Variants in ATP13A3 observed in about 807,000 individuals in gnomAD.
The protein encoded by ATP13A3 is ATPase 13A3, also known as polyamine-transporting ATPase 13A3.
ATP13A3 carries 59 observed loss-of-function variants against 158.1 expected under a neutral mutation model. That is an observed-to-expected ratio of 0.37 (90% CI 0.30 to 0.46). The LOEUF is 0.46. Among genes scored for constraint, ATP13A3 ranks in the 20% least tolerant of loss-of-function variants. The pLI is 1.00. For synonymous variants in ATP13A3, 491 were observed against 504.3 expected (o/e 0.97, Z 0.35); for missense variants, 1,166 against 1,525.2 (o/e 0.76, Z 3.92).
At chr3:194,419,710 G>A in intron 31 of ATP13A3, 169 bp downstream of exon 31, 1 of 859,032 alleles carries the variant, frequency 1.2e-6, no homozygotes, top group Non-Finnish European at 1.4e-6. Flanking sequence ...GATTAAACAG[G>A]TATAGCTAAG....
At chr3:194,419,666 T>C (rs1232369036) in intron 31 of ATP13A3, 2 of 614,340 alleles carry the variant, frequency 3.3e-6, no homozygotes, top group Non-Finnish European at 2.0e-6. Flanking sequence ...ATTTAATTTG[T>C]TTGCAGACAA....
intron 27 of ATP13A3, 29 bp from the exon 28 acceptor site, chr3:194,428,946 A>T: frequency 1.4e-6 from 2 of 1,429,838 alleles, no homozygotes; most frequent in South Asian, 1.3e-5. Context: ...AAACATTATT[A>T]GTTTTTGGGA....
chr3:194,433,788 G>A lies in ATP13A3; in HGVS notation c.2229C>T (p.Arg743=). 1 of 1,614,072 alleles carries A rather than the reference G, an allele frequency of 6.2e-7. No individual in the cohort carries two copies. Among genetic ancestry groups the A allele is most frequent in the Non-Finnish European group, 8.5e-7 (1 of 1,179,984 alleles). Residue 743 remains arginine (R), a synonymous_variant, in exon 21 of 34, where the codon CGC becomes CGT. Coordinates refer to ENST00000645319, the MANE Select transcript of ATP13A3 (RefSeq NM_001367549.1). The part of the protein sequence containing the change: ...VLEDLHKANI[R]TVMVTGDSML... ...AAGTCTAACCTGTGACCATGACGGTGCGAATGTTGGCTTTATGCAAATCTT... is the reference window on the plus strand; with the variant it reads ...AAGTCTAACCTGTGACCATGACGGTACGAATGTTGGCTTTATGCAAATCTT...
At position 194,429,744 on chromosome 3, in the gene ATP13A3, G is replaced by T; in HGVS notation, c.2808C>A (p.Phe936Leu). ...ACAATGCCATGAATTTAAACACACA[G>T]AAGGAAGTTATTAAAGCAGCACGGC... Reference protein sequence around the residue: ...REGRAALITSFCVFKFMALYS... With the variant: ...REGRAALITSLCVFKFMALYS... The change falls in exon 27 of 34, where the codon TTC (phenylalanine) becomes TTA (leucine). Residue 936 changes from phenylalanine (F) to leucine (L), a missense_variant. Around this residue, in one of 3 missense-constraint regions of ATP13A3, gnomAD observed 997 missense variants for 1,341.2 expected, o/e 0.74. Transcript: ENST00000645319. 6.2e-7 allele frequency: 1 copy of T among 1,613,986 alleles called. No individual in the cohort carries two copies. The highest frequency in any genetic ancestry group is 1.1e-5 in the South Asian group (1 of 91,068).
At chr3:194,480,219 A>G (rs1720695737) in intron 2 of ATP13A3, among the ~76,000 whole-genome samples, 1 of 152,228 alleles carries the variant, frequency 6.6e-6, no homozygotes, top group Non-Finnish European at 1.5e-5. Flanking sequence ...TCAGAGGTTC[A>G]GTGACTTACT....
upstream of ATP13A3, among the ~76,000 whole-genome samples, chr3:194,489,952 C>T (rs1721125859): frequency 6.6e-6 from 1 of 152,148 alleles, no homozygotes; most frequent in Non-Finnish European, 1.5e-5. This position sits in a 1 kb window ranked among gnomAD's most constrained non-coding sequence, Gnocchi z 4.1. Flanking sequence ...GTTCTCAAGT[C>T]ATGATGATTC....
rs983941138 is a variant in ATP13A3 at position 194,413,846 on chromosome 3, T to A, written c.3403-7A>T. 3 of 1,609,714 alleles carry A rather than the reference T, an allele frequency of 1.9e-6. No homozygotes were observed. The African/African-American group carries it at 4.0e-5, about 22-fold the overall frequency. On this transcript the variant is annotated splice_region_variant and splice_polypyrimidine_tract_variant and intron_variant, in intron 31 of 33. Transcript: ENST00000645319. ...GATATGGTACACACACTATCTGTAATGCAAAAACATTTTAAAGTTAAAATT... is the reference window on the plus strand; with the variant it reads ...GATATGGTACACACACTATCTGTAAAGCAAAAACATTTTAAAGTTAAAATT...
At chr3:194,430,805 T>G (rs538215364) in intron 24 of ATP13A3, 138 bp downstream of exon 24, 2 of 609,184 alleles carry the variant, frequency 3.3e-6, no homozygotes, top group African/African-American at 1.9e-5. Flanking sequence ...CTTAAAGTTC[T>G]GAACTATCTT....
At chr3:194,468,684 T>C (rs955358904) in intron 2 of ATP13A3, among the ~76,000 whole-genome samples, 3 of 151,966 alleles carry the variant, frequency 2.0e-5, no homozygotes, top group Non-Finnish European at 2.9e-5. Context: ...GTGTGGAGAG[T>C]GTTGAATTTT....
In ATP13A3 at chr3:194,450,154, T is replaced by G; in HGVS notation, c.961A>C (p.Met321Leu). 4.3e-6 allele frequency: 7 copies of G among 1,613,836 alleles called. No individual in the cohort carries two copies. Among genetic ancestry groups the G allele is most frequent in the Non-Finnish European group, 5.9e-6 (7 of 1,179,872 alleles). ...INGTCIVNESMLTGESVPVTK... is the reference protein window; with the variant it reads ...INGTCIVNESLLTGESVPVTK... ...TACTCATTTAGCTTACCTGTTAACA[T>G]GCTTTCGTTTACAATGCAGGTACCA... Residue 321 changes from methionine to leucine, a missense_variant, in exon 11 of 34, where the codon ATG becomes CTG. This residue lies in a region of ATP13A3 where 997 missense variants were observed against 1,341.2 expected (regional missense o/e 0.74). Transcript: ENST00000645319.
Position 194,429,288 on chromosome 3 carries a change from T to C in ATP13A3, c.2875-371A>G, listed in dbSNP as rs77210071. Among the ~76,000 whole-genome samples, 579 of 152,260 alleles carry C rather than the reference T, an allele frequency of 3.8e-3. 7 individuals are homozygous for C. Among genetic ancestry groups the C allele is most frequent in the South Asian group, 0.012 (57 of 4,824 alleles). ...AAAACACAAACATTTACTCAAAATATTCAACGTTGTAAATTAGTATCTTCA... is the reference window on the plus strand; with the variant it reads ...AAAACACAAACATTTACTCAAAATACTCAACGTTGTAAATTAGTATCTTCA... On this transcript the variant is annotated intron_variant, in intron 27 of 33. Coordinates refer to ENST00000645319, the MANE Select transcript of ATP13A3 (RefSeq NM_001367549.1).
At chr3:194,464,873 T>G (rs1215258214) in intron 2 of ATP13A3, among the ~76,000 whole-genome samples, 1 of 152,044 alleles carries the variant, frequency 6.6e-6, no homozygotes, top group African/African-American at 2.4e-5. Flanking sequence ...CACCTCAGCC[T>G]CCCAAAATGC....
At chr3:194,419,798 CA>C in intron 31 of ATP13A3, 80 bp downstream of exon 31, 1 of 1,505,386 alleles carries the variant, frequency 6.6e-7, no homozygotes. Context: ...TTAGAATACA[CA>C]AAAAGAAGAG....
intron 20 of ATP13A3, among the ~76,000 whole-genome samples, chr3:194,436,648 T>G (rs918774565): frequency 6.6e-6 from 1 of 152,182 alleles, no homozygotes; most frequent in Non-Finnish European, 1.5e-5. Flanking sequence ...GGCCAGGAGC[T>G]CGAGGCCAGC....
intron 4 of ATP13A3, among the ~76,000 whole-genome samples, chr3:194,460,346 C>G (rs1210332324): frequency 6.6e-6 from 1 of 151,992 alleles, no homozygotes; most frequent in Non-Finnish European, 1.5e-5. Context: ...AGACAGGCAG[C>G]TGGCCTAGTG....
intron 16 of ATP13A3, among the ~76,000 whole-genome samples, chr3:194,440,319 T>C (rs567806288): frequency 6.6e-6 from 1 of 152,084 alleles, no homozygotes; most frequent in South Asian, 2.1e-4. Context: ...TCCAGAGACA[T>C]AAACTGAATG....
chr3:194,441,479 T>C lies in ATP13A3; in HGVS notation c.1560-18A>G. On this transcript the variant is annotated intron_variant, in intron 15 of 33. Coordinates refer to ENST00000645319, the MANE Select transcript of ATP13A3 (RefSeq NM_001367549.1). ...AAAGAAATCTAAGCAGAAGACACAC[T>C]GAATTAGTTTCATAAATTCTAAGAT... 2.5e-6 allele frequency: 4 copies of C among 1,600,014 alleles called. No homozygotes were observed. The highest frequency in any genetic ancestry group is 3.4e-6 in the Non-Finnish European group (4 of 1,170,134).
At chr3:194,409,813 T>A (rs1029187093) in intron 33 of ATP13A3, among the ~76,000 whole-genome samples, 2 of 141,304 alleles carry the variant, frequency 1.4e-5, no homozygotes, top group Non-Finnish European at 3.0e-5. Context: ...GGAAATCACC[T>A]CCGATTGAGA....
At chr3:194,444,574 G>C in intron 15 of ATP13A3, 151 bp downstream of exon 15, 1 of 560,468 alleles carries the variant, frequency 1.8e-6, no homozygotes, top group Non-Finnish European at 2.9e-6. Context: ...ATATTCTAAA[G>C]GAAGCGATCT....
Sources: gnomAD v4.1 joint callset for allele counts (sites outside exome capture counted in the v4.1 genomes callset) on GRCh38, gnomAD v4.1.1 for gene constraint, gnomAD v4.1.1 regional missense constraint, Gnocchi (gnomAD v3.1) non-coding constraint, MANE v1.5 for transcripts, NCBI Gene and HGNC (gene_info 2026-07-23, HGNC 2026-07-21) for gene names.